The following TCEANC2 variants were observed in gnomAD, a reference collection of about 807,000 sequenced individuals.
The protein encoded by TCEANC2 is transcription elongation factor A N-terminal and central domain containing 2.
In TCEANC2, 20 loss-of-function variants were observed where a neutral mutation model predicts 22.8. The observed-to-expected ratio is 0.88, with a 90% CI of 0.62 to 1.28. TCEANC2 has a LOEUF of 1.28. TCEANC2 is among the 50% of genes most tolerant of loss of function. The probability of loss-of-function intolerance (pLI) is 0.00; values close to 1 mark genes in which losing one functional copy is unlikely to be tolerated. For missense variants in TCEANC2, 251 were observed against 249.7 expected, an observed-to-expected ratio of 1.01 and a Z score of -0.03; for synonymous variants, 84 against 95.5, an observed-to-expected ratio of 0.88 and a Z score of 0.70.
chr1:54,108,830 G>A (rs1348028342), downstream of TCEANC2, among the ~76,000 whole-genome samples: 1 of 152,096 alleles, frequency 6.6e-6, no homozygotes, highest in African/African-American at 2.4e-5. Context: ...AAATTAGCCG[G>A]GCATGGTGGT....
intron 2 of TCEANC2, among the ~76,000 whole-genome samples, chr1:54,062,700 G>A (rs1355790913): frequency 6.6e-6 from 1 of 152,214 alleles, no homozygotes; most frequent in East Asian, 1.9e-4. Flanking sequence ...TAGAAGACAT[G>A]ATGCTTGAAG....
chr1:54,077,413 C>A (rs1290072564), intron 3 of TCEANC2, among the ~76,000 whole-genome samples: 1 of 147,680 alleles, frequency 6.8e-6, no homozygotes, highest in Admixed American at 7.1e-5. Flanking sequence ...CTCCCACAAC[C>A]ACTATTCTCT....
chr1:54,072,626 A>G (rs1658078091), intron 3 of TCEANC2, among the ~76,000 whole-genome samples: 1 of 151,890 alleles, frequency 6.6e-6, no homozygotes, highest in African/African-American at 2.4e-5. Context: ...CGATCTCTTG[A>G]CCTCGTGATC....
chr1:54,089,763 G>T, intron 4 of TCEANC2: 1 of 340,642 alleles, frequency 2.9e-6, no homozygotes, highest in Non-Finnish European at 5.3e-6. Flanking sequence ...TTGTGATATA[G>T]TACTTACTTT....
At chr1:54,062,324 A>C (rs1367477548) in intron 2 of TCEANC2, among the ~76,000 whole-genome samples, 1 of 152,166 alleles carries the variant, frequency 6.6e-6, no homozygotes, top group Non-Finnish European at 1.5e-5. Flanking sequence ...TGTTCCTCCA[A>C]ATAATTTGAG....
rs138552479 is a variant in TCEANC2, at chr1:54,054,454, T to A, written c.32T>A (p.Ile11Asn). 1 of 1,613,984 alleles carries A rather than the reference T, an allele frequency of 6.2e-7. No homozygotes were observed. The highest frequency in any genetic ancestry group is 8.5e-7 in the Non-Finnish European group (1 of 1,179,990). The change falls in exon 2 of 5, where the codon ATC (isoleucine) becomes AAC (asparagine). Residue 11 changes from isoleucine to asparagine, a missense_variant. Ile to Asn is a moderately radical substitution (Grantham distance 149). Transcript: ENST00000234827. MDKFVIRTPRIQNSPQKKDSG... is the reference protein window; with the variant it reads MDKFVIRTPRNQNSPQKKDSG... ...AAATTCGTCATTCGAACGCCTAGAA[T>A]CCAGAATAGCCCTCAGAAGAAAGAT...
intron 2 of TCEANC2, among the ~76,000 whole-genome samples, chr1:54,063,950 G>A (rs902055188): frequency 2.0e-5 from 3 of 152,134 alleles, no homozygotes; most frequent in Non-Finnish European, 4.4e-5. Context: ...GCTAGCTGTA[G>A]TTAAATTCAC....
In TCEANC2 at chr1:54,054,492, G is replaced by C. The variant is rs992728241; in HGVS notation, c.70G>C (p.Val24Leu). The C allele has an allele frequency of 6.2e-7, 1 of 1,613,724 alleles. No homozygotes were observed. The highest frequency in any genetic ancestry group is 8.5e-7 in the Non-Finnish European group (1 of 1,179,894). The change falls in exon 2 of 5, where the codon GTT (valine) becomes CTT (leucine). Residue 24 changes from valine to leucine, a missense_variant. By Grantham distance (32) the Val-to-Leu change is conservative. Transcript: ENST00000234827. ...SPQKKDSGGK[V>L]YKQATIESLK... ...TCAGAAGAAAGATTCTGGAGGAAAGGTTTACAAGCAGGCCACGATTGAATC... is the reference window on the plus strand; with the variant it reads ...TCAGAAGAAAGATTCTGGAGGAAAGCTTTACAAGCAGGCCACGATTGAATC...
intron 3 of TCEANC2, among the ~76,000 whole-genome samples, chr1:54,079,037 G>A (rs1658194698): frequency 6.6e-6 from 1 of 152,152 alleles, no homozygotes; most frequent in Admixed American, 6.5e-5. Flanking sequence ...AAGAGCATGG[G>A]GTATCGAGTA....
Position 54,054,415 on chromosome 1 carries a change from C to G in TCEANC2, c.-8C>G. 3 of 1,613,880 alleles carry G rather than the reference C, an allele frequency of 1.9e-6. No homozygotes were observed. Among genetic ancestry groups the G allele is most frequent in the Non-Finnish European group, 2.5e-6 (3 of 1,179,968 alleles). On this transcript the variant is annotated 5_prime_UTR_variant, in exon 2 of 5. Coordinates refer to ENST00000234827, the MANE Select transcript of TCEANC2 (RefSeq NM_153035.3). ...CAAGCACGTCAAGGTAGTCGGAGTC[C>G]CCTAACAATGGATAAATTCGTCATT...
intron 2 of TCEANC2, among the ~76,000 whole-genome samples, chr1:54,057,354 T>A: frequency 7.0e-6 from 1 of 142,820 alleles, no homozygotes; most frequent in East Asian, 2.0e-4. Flanking sequence ...CTAATTTTTT[T>A]TTTTTTTTTT....
downstream of TCEANC2, among the ~76,000 whole-genome samples, chr1:54,109,934 A>G (rs1015414884): frequency 6.6e-6 from 1 of 152,232 alleles, no homozygotes; most frequent in Non-Finnish European, 1.5e-5. Context: ...CATGGCATGG[A>G]GATGACTTGA....
chr1:54,088,099 C>T (rs1658373582), intron 3 of TCEANC2, among the ~76,000 whole-genome samples: 1 of 152,136 alleles, frequency 6.6e-6, no homozygotes, highest in African/African-American at 2.4e-5. Context: ...ATAAATTTCC[C>T]CATCAGACTC....
intron 4 of TCEANC2, among the ~76,000 whole-genome samples, chr1:54,093,943 G>C (rs1224940316): frequency 6.6e-6 from 1 of 152,162 alleles, no homozygotes; most frequent in Admixed American, 6.5e-5. Flanking sequence ...CAGGACAAAT[G>C]CTGGATAGCC....
At chr1:54,075,647 T>C (rs1007545301) in intron 3 of TCEANC2, among the ~76,000 whole-genome samples, 1 of 152,194 alleles carries the variant, frequency 6.6e-6, no homozygotes, top group African/African-American at 2.4e-5. Context: ...AAATGCCACA[T>C]TACTATTTCC....
rs1266185201 is a variant in TCEANC2, at chr1:54,068,861, A to G, written c.208A>G (p.Ile70Val). Residue 70 changes from isoleucine (I) to valine (V), a missense_variant, in exon 3 of 5, where the codon ATA becomes GTA. Transcript: ENST00000234827. ...AGCCTTACAAGAATTAAAGAAGAAA[A>G]TACCCTCCAGGGAAGTGTTAAAATC... ...VEALQELKKK[I>V]PSREVLKSTR... The G allele has an allele frequency of 1.9e-6, 3 of 1,610,608 alleles. No individual in the cohort carries two copies. The African/African-American group carries it at 4.0e-5, about 22-fold the overall frequency.
Position 54,096,689 on chromosome 1 carries a change from G to C in TCEANC2, c.*216G>C. 8.1e-7 allele frequency: 1 copy of C among 1,241,382 alleles called. No individual in the cohort carries two copies. The highest frequency in any genetic ancestry group is 1.0e-6 in the Non-Finnish European group (1 of 969,340). The allele number at this position is 1,241,382 out of a possible 1,614,324, so 76.9% of individuals were successfully genotyped here. On this transcript the variant is annotated 3_prime_UTR_variant, in exon 5 of 5. Transcript: ENST00000234827. The surrounding 1 kb of genome is among the most constrained non-coding windows in gnomAD (Gnocchi z 4.9). ...TGCAGTGCGCTGGTGCTGCCTAACA[G>C]AACGCACACTGGCTGTCACTAGGAA... is the stretch of plus-strand genomic sequence containing the variant.
intron 3 of TCEANC2, among the ~76,000 whole-genome samples, chr1:54,078,726 T>C (rs1217545029): frequency 6.6e-6 from 1 of 152,168 alleles, no homozygotes; most frequent in Non-Finnish European, 1.5e-5. Context: ...ATCACCTTAG[T>C]AGATGAATTC....
At chr1:54,089,061 A>G (rs1043080893) in intron 4 of TCEANC2, among the ~76,000 whole-genome samples, 33 of 152,348 alleles carry the variant, frequency 2.2e-4, no homozygotes, top group African/African-American at 7.9e-4. Context: ...AAACCCTGAC[A>G]TTCTAGTTGT....
Sources: allele counts gnomAD v4.1 joint callset (sites outside exome capture counted in the v4.1 genomes callset), GRCh38; gene constraint gnomAD v4.1.1; non-coding constraint Gnocchi (gnomAD v3.1); transcripts MANE v1.5; gene names NCBI Gene and HGNC (gene_info 2026-07-23, HGNC 2026-07-21).